DCHS2: variants seen among roughly 807,000 people sequenced by gnomAD.
The protein encoded by DCHS2 is protocadherin-23.
DCHS2 carries 142 observed loss-of-function variants against 182.4 expected under a neutral mutation model. The observed-to-expected ratio is 0.78, with a 90% CI of 0.68 to 0.89. DCHS2 has a LOEUF of 0.89. Among genes scored for constraint, DCHS2 ranks in the 40% least tolerant of loss-of-function variants. The pLI is 0.00. For synonymous variants in DCHS2, 1,740 were observed against 1,663.3 expected, an observed-to-expected ratio of 1.05 and a Z score of -1.12; for missense variants, 4,319 against 4,198.6, an observed-to-expected ratio of 1.03 and a Z score of -0.79.
intron 1 of DCHS2, among the ~76,000 whole-genome samples, chr4:154,397,873 G>A (rs1015254155): frequency 9.2e-5 from 14 of 152,152 alleles, no homozygotes; most frequent in African/African-American, 3.1e-4. Context: ...CCCCAAAAAT[G>A]AATAATGAAA....
rs766534876 is a variant in DCHS2 at position 154,329,554 on chromosome 4, T to C, written c.3887A>G (p.Gln1296Arg). The change falls in exon 6 of 20, where the codon CAG (glutamine) becomes CGG (arginine). Residue 1296 changes from glutamine (Q) to arginine (R), a missense_variant. By Grantham distance (43) the Gln-to-Arg change is conservative. Coordinates refer to ENST00000357232, the MANE Select transcript of DCHS2 (RefSeq NM_001358235.2). ...GTGTAACTCCTTTCCAGGGAGACAC[T>C]GGGGGAAGAAGGGCCTGTTATCATT... ...DINDNRPFFPQCLPGKELHVK... is the reference protein window; with the variant it reads ...DINDNRPFFPRCLPGKELHVK... 13 of 1,613,614 alleles carry C rather than the reference T, an allele frequency of 8.1e-6. No individual in the cohort carries two copies. Among genetic ancestry groups the C allele is most frequent in the African/African-American group, 2.7e-5 (2 of 74,906 alleles).
Position 154,332,651 on chromosome 4 carries a change from T to A in DCHS2, c.3557A>T (p.Asp1186Val), listed in dbSNP as rs781495672. The change falls in exon 5 of 20, where the codon GAC (aspartate) becomes GTC (valine). Residue 1186 changes from aspartate to valine, a missense_variant. Transcript: ENST00000357232. ...ATCATGCAAGAAGGTGGGGGAATTGTCATTCTCATCCCAGACACGAACAAT... is the reference window on the plus strand; with the variant it reads ...ATCATGCAAGAAGGTGGGGGAATTGACATTCTCATCCCAGACACGAACAAT... ...TVIVRVWDEN[D>V]NSPTFLHDVL... The A allele has an allele frequency of 9.9e-6, 16 of 1,614,138 alleles. No individual in the cohort carries two copies. Among genetic ancestry groups the A allele is most frequent in the African/African-American group, 1.3e-5 (1 of 74,952 alleles).
At chr4:154,277,502 T>C (rs1733905214) in intron 13 of DCHS2, among the ~76,000 whole-genome samples, 1 of 151,948 alleles carries the variant, frequency 6.6e-6, no homozygotes, top group South Asian at 2.1e-4. Context: ...TGAAGATTCA[T>C]CCCCAGAAAA....
At chr4:154,381,643 G>A (rs1168283379) in intron 1 of DCHS2, among the ~76,000 whole-genome samples, 1 of 151,872 alleles carries the variant, frequency 6.6e-6, no homozygotes, top group Non-Finnish European at 1.5e-5. Context: ...CAGCAATAAT[G>A]TTCAAGCTGA....
chr4:154,299,229 A>G (rs1735102119), intron 12 of DCHS2, among the ~76,000 whole-genome samples: 3 of 152,236 alleles, frequency 2.0e-5, no homozygotes, highest in South Asian at 4.1e-4. Context: ...TCTCTTCTAC[A>G]TGTCCACAGC....
At chr4:154,374,002 CAAAAAAA>C (rs35401379) in intron 2 of DCHS2, 1,661 of 594,094 alleles carry the variant, frequency 2.8e-3, no homozygotes, top group South Asian at 4.3e-3. Flanking sequence ...ATTTTAATAG[CAAAAAAA>C]AAAAAAAAAA....
At chr4:154,281,616 A>T (rs1213189205) in intron 13 of DCHS2, among the ~76,000 whole-genome samples, 2 of 152,158 alleles carry the variant, frequency 1.3e-5, no homozygotes, top group African/African-American at 4.8e-5. Flanking sequence ...AAAGGAATCT[A>T]CAGATTCAAT....
At chr4:154,272,057 C>T (rs908618217) in intron 13 of DCHS2, 10 of 152,274 alleles carry the variant, frequency 6.6e-5, no homozygotes, top group South Asian at 2.1e-4. Flanking sequence ...TTTTGCTCAG[C>T]ATTTTTTGAG....
chr4:154,292,670 T>C (rs911924422), intron 13 of DCHS2, among the ~76,000 whole-genome samples: 1 of 152,336 alleles, frequency 6.6e-6, no homozygotes, highest in African/African-American at 2.4e-5. Context: ...ATTTCAGACA[T>C]GCCTTCCTTT....
chr4:154,357,286 T>C (rs1311469553), intron 3 of DCHS2: 1 of 1,613,566 alleles, frequency 6.2e-7, no homozygotes, highest in East Asian at 2.2e-5. Context: ...GCTGAAAAGT[T>C]GACAGCACTC....
chr4:154,393,749 T>C (rs184973774), intron 1 of DCHS2, among the ~76,000 whole-genome samples: 1 of 152,146 alleles, frequency 6.6e-6, no homozygotes, highest in Non-Finnish European at 1.5e-5. Flanking sequence ...AAGTCTAAGA[T>C]GTGCCACATC....
chr4:154,451,687 G>A (rs1024112804), intron 1 of DCHS2, among the ~76,000 whole-genome samples: 6 of 152,176 alleles, frequency 3.9e-5, no homozygotes, highest in African/African-American at 7.2e-5. Context: ...GGACAGCAGC[G>A]AAGGGAAATC....
chr4:154,435,803 A>G (rs1401279711), intron 1 of DCHS2, among the ~76,000 whole-genome samples: 1 of 152,188 alleles, frequency 6.6e-6, no homozygotes, highest in African/African-American at 2.4e-5. Flanking sequence ...TGTTACACAA[A>G]TGTTAAATGC....
At chr4:154,242,524 C>A (rs924369469) in intron 17 of DCHS2, 118 bp downstream of exon 17, 305 of 1,349,134 alleles carry the variant, frequency 2.3e-4, no homozygotes, top group Non-Finnish European at 2.1e-4. Flanking sequence ...CAAAAATGAT[C>A]TAGTTTGCTT....
At chr4:154,341,269 T>C (rs988160110) in intron 3 of DCHS2, among the ~76,000 whole-genome samples, 1 of 147,376 alleles carries the variant, frequency 6.8e-6, no homozygotes, top group African/African-American at 2.5e-5. Context: ...TTTGGGAGGC[T>C]GAGGCAGGAG....
In DCHS2 at chr4:154,490,306, C is replaced by A. The variant is rs1159822717; in HGVS notation, c.1050G>T (p.Leu350=). The A allele has an allele frequency of 6.5e-7, 1 of 1,546,068 alleles. No homozygotes were observed. Among genetic ancestry groups the A allele is most frequent in the South Asian group, 1.2e-5 (1 of 83,974 alleles). The change falls in exon 1 of 20, where the codon CTG becomes CTT. Residue 350 remains leucine (L), a synonymous_variant. Coordinates refer to ENST00000357232, the MANE Select transcript of DCHS2 (RefSeq NM_001358235.2). ...CCACCGCGAAGTAGGCCGCGTCGCC[C>A]AGTGCCCCGCCGCCGCTACCCGCCC... ...VPGAGSGGGA[L]GDAAYFAVEE...
At position 154,334,899 on chromosome 4, in the gene DCHS2, G is replaced by A. The variant is rs1313741621; in HGVS notation, c.2682C>T (p.Pro894=). 1 of 1,614,106 alleles carries A rather than the reference G, an allele frequency of 6.2e-7. No homozygotes were observed. Among genetic ancestry groups the A allele is most frequent in the Non-Finnish European group, 8.5e-7 (1 of 1,179,934 alleles). ...LVYEDVPEDS[P]IGTVKAREPL... ...GCTCTCTTGCTTTCACTGTTCCAAT[G>A]GGACTATCTTCAGGCACATCTTCAT... The change falls in exon 4 of 20, where the codon CCC becomes CCT. Residue 894 remains proline (P), a synonymous_variant. Coordinates refer to ENST00000357232, the MANE Select transcript of DCHS2 (RefSeq NM_001358235.2).
At chr4:154,391,595 G>A (rs953803164) in intron 1 of DCHS2, among the ~76,000 whole-genome samples, 27 of 152,192 alleles carry the variant, frequency 1.8e-4, no homozygotes, top group African/African-American at 4.3e-4. Flanking sequence ...AAGACAAGGC[G>A]ATGGGCAACT....
intron 1 of DCHS2, among the ~76,000 whole-genome samples, chr4:154,477,830 T>C (rs1194439512): frequency 6.6e-6 from 1 of 152,238 alleles, no homozygotes; most frequent in Non-Finnish European, 1.5e-5. Flanking sequence ...TCTTATCATG[T>C]GGTCAGAGCT....
Sources: gnomAD v4.1 joint callset for allele counts (sites outside exome capture counted in the v4.1 genomes callset) on GRCh38, gnomAD v4.1.1 for gene constraint, MANE v1.5 for transcripts, NCBI Gene and HGNC (gene_info 2026-07-23, HGNC 2026-07-21) for gene names.